MORF4L1: variants seen among roughly 807,000 people sequenced by gnomAD.
MORF4L1 encodes mortality factor 4-like protein 1.
In MORF4L1, 4 loss-of-function variants were observed where a neutral mutation model predicts 52.9. That is an observed-to-expected ratio of 0.08 (90% CI 0.04 to 0.17). MORF4L1 has a LOEUF of 0.17. MORF4L1 is among the 10% of genes least tolerant of loss of function. The pLI is 1.00. For synonymous variants in MORF4L1, 123 were observed against 134.8 expected (o/e 0.91, Z 0.61); for missense variants, 214 against 390.4 (o/e 0.55, Z 3.81).
At chr15:78,880,624 CT>C (rs1490757923) in intron 3 of MORF4L1, 45 bp downstream of exon 3, 2 of 1,387,046 alleles carry the variant, frequency 1.4e-6, no homozygotes, top group African/African-American at 2.9e-5. Flanking sequence ...AACAAGATAG[CT>C]TGTGTCACTG....
intron 1 of MORF4L1, among the ~76,000 whole-genome samples, chr15:78,875,303 C>T (rs1223682523): frequency 6.6e-6 from 1 of 152,188 alleles, no homozygotes; most frequent in Non-Finnish European, 1.5e-5. Flanking sequence ...AGAGGAGTAG[C>T]AGCAGAGATT....
intron 3 of MORF4L1, among the ~76,000 whole-genome samples, chr15:78,882,441 G>T (rs1436551749): frequency 6.6e-6 from 1 of 152,170 alleles, no homozygotes; most frequent in African/African-American, 2.4e-5. Context: ...GGAGAAAACT[G>T]TCTTGGTAGA....
At position 78,880,541 on chromosome 15, in the gene MORF4L1, A is replaced by C; in HGVS notation, c.117A>C (p.Gln39His). 6.2e-7 allele frequency: 1 copy of C among 1,602,796 alleles called. No homozygotes were observed. The highest frequency in any genetic ancestry group is 8.5e-7 in the Non-Finnish European group (1 of 1,174,890). Residue 39 changes from glutamine to histidine, a missense_variant, in exon 3 of 12, where the codon CAA becomes CAC. Transcript: ENST00000426013. ...KCVKVAIKDK[Q>H]VKYFIHYSGW... Reference sequence around the variant, plus strand: ...TAAAGGTTGCCATAAAGGACAAACAAGTGAAATACTTCATACATTACAGTG... The same window carrying C: ...TAAAGGTTGCCATAAAGGACAAACACGTGAAATACTTCATACATTACAGTG...
chr15:78,887,562 T>A (rs2056727109), intron 5 of MORF4L1: 1 of 409,062 alleles, frequency 2.4e-6, no homozygotes, highest in African/African-American at 2.1e-5. Flanking sequence ...CTTGTGTGTA[T>A]AAATATATGT....
chr15:78,882,889 C>T (rs566933190), intron 3 of MORF4L1, among the ~76,000 whole-genome samples: 1 of 151,886 alleles, frequency 6.6e-6, no homozygotes, highest in Non-Finnish European at 1.5e-5. Context: ...AGGTAGACAC[C>T]CCTCTTATAA....
rs149858345 is a variant in MORF4L1 at position 78,886,051 on chromosome 15, A to G, written c.156-90A>G. 1,248 of 900,790 alleles carry G rather than the reference A, an allele frequency of 1.4e-3. 20 individuals carry two copies. In the East Asian group the frequency reaches 0.028, roughly 20 times the overall value. 55.8% of individuals were successfully genotyped at this position (900,790 alleles called of 1,614,324 possible). On this transcript the variant is annotated intron_variant, in intron 3 of 11. Transcript: ENST00000426013. Reference sequence around the variant, plus strand: ...GTAGTGCCAGTTCATCAAATTACTTAAGAGAAATCCAGTCTTGCCTCTTGA... The same window carrying G: ...GTAGTGCCAGTTCATCAAATTACTTGAGAGAAATCCAGTCTTGCCTCTTGA...
intron 6 of MORF4L1, chr15:78,891,243 G>A: frequency 4.5e-6 from 3 of 669,440 alleles, no homozygotes; most frequent in Non-Finnish European, 7.7e-6. Context: ...GTCTCCCACT[G>A]AGAAGATAAC....
intron 7 of MORF4L1, 66 bp downstream of exon 7, chr15:78,891,638 A>G (rs2056804011): frequency 2.3e-6 from 3 of 1,281,568 alleles, no homozygotes; most frequent in South Asian, 1.3e-5. Flanking sequence ...TGACATAACC[A>G]TGGGAGCTTT....
chr15:78,887,443 G>A (rs1411599929), intron 5 of MORF4L1, 94 bp downstream of exon 5: 1 of 1,066,078 alleles, frequency 9.4e-7, no homozygotes, highest in Admixed American at 2.6e-5. Flanking sequence ...GGAAACTTTG[G>A]AACATTGTTG....
At chr15:78,884,621 G>A (rs1315236787) in intron 3 of MORF4L1, among the ~76,000 whole-genome samples, 3 of 136,454 alleles carry the variant, frequency 2.2e-5, no homozygotes, top group Non-Finnish European at 1.5e-5. Flanking sequence ...CCAGGGCAAC[G>A]AGAGCGCAAC....
chr15:78,894,974 A>C, intron 11 of MORF4L1, 70 bp downstream of exon 11: 1 of 1,246,582 alleles, frequency 8.0e-7, no homozygotes. Flanking sequence ...TTGGCAGTAT[A>C]GATGCTAAAA....
intron 6 of MORF4L1, chr15:78,891,220 CT>C (rs1422810850): frequency 1.4e-6 from 1 of 710,060 alleles, no homozygotes; most frequent in Non-Finnish European, 2.4e-6. Context: ...TTTTCATCTG[CT>C]TTAGTCTTAA....
intron 1 of MORF4L1, chr15:78,874,064 C>G (rs778507907): frequency 6.6e-6 from 1 of 152,134 alleles, no homozygotes; most frequent in Non-Finnish European, 1.5e-5. Context: ...TAGACTGACT[C>G]CCAGTGGAAG....
chr15:78,884,672 CA>C (rs2056667152), intron 3 of MORF4L1, among the ~76,000 whole-genome samples: 1 of 139,962 alleles, frequency 7.1e-6, no homozygotes, highest in Non-Finnish European at 1.5e-5. Context: ...CACACACACA[CA>C]CACACACACA....
intron 3 of MORF4L1, 71 bp from the exon 4 acceptor site, chr15:78,886,070 C>T (rs1223131680): frequency 2.6e-6 from 3 of 1,142,998 alleles, no homozygotes; most frequent in African/African-American, 3.1e-5. Flanking sequence ...CCAGTCTTGC[C>T]TCTTGATCTC....
In MORF4L1 at chr15:78,882,805, G is replaced by T. The variant is rs753620242; in HGVS notation, c.155+2226G>T. On this transcript the variant is annotated intron_variant, in intron 3 of 11. Coordinates refer to ENST00000426013, the MANE Select transcript of MORF4L1 (RefSeq NM_006791.4). The stretch of plus-strand genomic sequence containing the variant: ...AAGGAATTGTTTTAGAGCCAGTATG[G>T]TGGTGCCTATAGTTTTAGCTTCTTA... Among the ~76,000 whole-genome samples the T allele has an allele frequency of 1.6e-4, 17 of 107,844 alleles. No individual in the cohort carries two copies. The Admixed American group carries it at 1.9e-3, about 12-fold the overall frequency. 70.7% of individuals were successfully genotyped at this position (107,844 alleles called of 152,430 possible).
At position 78,873,005 on chromosome 15, in the gene MORF4L1, G is replaced by C; in HGVS notation, c.-13G>C. On this transcript the variant is annotated 5_prime_UTR_variant, in exon 1 of 12. Coordinates refer to ENST00000426013, the MANE Select transcript of MORF4L1 (RefSeq NM_006791.4). ...GGTGGTGGGAGAAGGAGGAGGCGGC[G>C]AATCACTTATAAATGGCGCCGAAGC... 2.6e-6 allele frequency: 4 copies of C among 1,550,886 alleles called. No homozygotes were observed. The highest frequency in any genetic ancestry group is 1.4e-5 in the African/African-American group (1 of 73,314).
At chr15:78,880,869 G>T (rs1230385485) in intron 3 of MORF4L1, among the ~76,000 whole-genome samples, 9 of 144,706 alleles carry the variant, frequency 6.2e-5, no homozygotes, top group South Asian at 2.1e-4. Context: ...ACATTTTTCT[G>T]TTTTTTTTTT....
At position 78,880,617 on chromosome 15, in the gene MORF4L1, A is replaced by T. The variant is rs200561622; in HGVS notation, c.155+38A>T. 4.9e-4 allele frequency: 709 copies of T among 1,450,270 alleles called. 4 individuals are homozygous for T. In the African/African-American group the frequency reaches 9.1e-3, roughly 19 times the overall value. 89.8% of individuals were successfully genotyped at this position (1,450,270 alleles called of 1,614,324 possible). A position where few individuals can be genotyped will look rare whatever the true frequency, so the allele number is the denominator to read the frequency against. On this transcript the variant is annotated intron_variant, in intron 3 of 11. Coordinates refer to ENST00000426013, the MANE Select transcript of MORF4L1 (RefSeq NM_006791.4). ...TCTTACAATTCTATTTGTAATTAACAAGATAGCTTGTGTCACTGACTGGCT... is the reference window on the plus strand; with the variant it reads ...TCTTACAATTCTATTTGTAATTAACTAGATAGCTTGTGTCACTGACTGGCT...
Sources: gnomAD v4.1 joint callset for allele counts (sites outside exome capture counted in the v4.1 genomes callset) on GRCh38, gnomAD v4.1.1 for gene constraint, MANE v1.5 for transcripts, NCBI Gene and HGNC (gene_info 2026-07-23, HGNC 2026-07-21) for gene names.